The following IVD variants were observed in gnomAD, a reference collection of about 807,000 sequenced individuals.
IVD encodes the protein isovaleryl-CoA dehydrogenase.
A neutral mutation model predicts 51.3 loss-of-function variants in IVD; 31 were observed. The observed-to-expected ratio is 0.60, with a 90% CI of 0.45 to 0.81. The LOEUF is 0.81. Ranked by LOEUF, IVD falls within the 40% of genes least tolerant of loss-of-function variation. The pLI, the probability that IVD is intolerant of heterozygous loss-of-function variation, is 0.00. For synonymous variants in IVD, 205 were observed against 219.4 expected, an observed-to-expected ratio of 0.93 and a Z score of 0.58; for missense variants, 475 against 552.0, an observed-to-expected ratio of 0.86 and a Z score of 1.40.
In IVD at chr15:40,418,885, C is replaced by T; in HGVS notation, c.*622C>T. 1.6e-6 allele frequency: 1 copy of T among 625,068 alleles called. No individual in the cohort carries two copies. Among genetic ancestry groups the T allele is most frequent in the South Asian group, 2.5e-5 (1 of 39,958 alleles). The allele number at this position is 625,068 out of a possible 1,614,324, so 38.7% of individuals were successfully genotyped here. On this transcript the variant is annotated 3_prime_UTR_variant, in exon 12 of 12. Coordinates refer to ENST00000487418, the MANE Select transcript of IVD (RefSeq NM_002225.5). ...TGGTGGCTCATGCTTGTAATCCCAG[C>T]ACTTCAGGAGGCTGAGATGGGTGGA...
chr15:40,423,875 G>A (rs183690170), downstream of IVD, among the ~76,000 whole-genome samples: 1 of 152,322 alleles, frequency 6.6e-6, no homozygotes, highest in East Asian at 1.9e-4. Flanking sequence ...CCTGAAATCA[G>A]GTGGTGCAGA....
rs781577717 is a variant in IVD, at chr15:40,407,750, G to A, written c.234+25G>A. 1.3e-5 allele frequency: 21 copies of A among 1,600,868 alleles called. No homozygotes were observed. Among genetic ancestry groups the A allele is most frequent in the Admixed American group, 1.7e-5 (1 of 59,964 alleles). On this transcript the variant is annotated intron_variant, in intron 2 of 11. Coordinates refer to ENST00000487418, the MANE Select transcript of IVD (RefSeq NM_002225.5). ...AGTGAGTTGGGAGGTCCGGGCAGTC[G>A]GGGGCAGTCAGGGAGTGGGGCTGAG...
At chr15:40,430,157 C>T (rs1892889632) in intron 7 of IVD, among the ~76,000 whole-genome samples, 1 of 152,212 alleles carries the variant, frequency 6.6e-6, no homozygotes, top group African/African-American at 2.4e-5. Context: ...GGGTGCAGAG[C>T]CGCTGCGGCA....
chr15:40,406,430 C>A (rs1890425182), intron 1 of IVD: 1 of 935,530 alleles, frequency 1.1e-6, no homozygotes, highest in Admixed American at 2.4e-5. Flanking sequence ...TTTTAAAAAG[C>A]CACAGTGAGC....
At chr15:40,432,950 G>C (rs1043190838) in intron 7 of IVD, among the ~76,000 whole-genome samples, 3 of 152,210 alleles carry the variant, frequency 2.0e-5, no homozygotes, top group Non-Finnish European at 4.4e-5. Flanking sequence ...AGCAGGGCAG[G>C]CTTCAGGCAT....
chr15:40,422,231 A>T (rs1294374703), downstream of IVD, among the ~76,000 whole-genome samples: 5 of 114,530 alleles, frequency 4.4e-5, no homozygotes, highest in South Asian at 1.9e-3. Flanking sequence ...CAATAAGGAC[A>T]TGAAAGGGAA....
At chr15:40,409,106 C>A (rs1236271581) in intron 3 of IVD, among the ~76,000 whole-genome samples, 1 of 152,158 alleles carries the variant, frequency 6.6e-6, no homozygotes, top group African/African-American at 2.4e-5. Context: ...AATGTAAAAG[C>A]ATTAGGGGAA....
intron 6 of IVD, chr15:40,412,744 A>G: frequency 3.9e-6 from 2 of 509,000 alleles, no homozygotes; most frequent in Non-Finnish European, 7.2e-6. Context: ...AACTGAGCAT[A>G]TCATTGAGAA....
chr15:40,419,530 G>A lies in IVD; in HGVS notation c.*1267G>A, dbSNP rs1892081343. 2 of 212,634 alleles carry A rather than the reference G, an allele frequency of 9.4e-6. No homozygotes were observed. Among genetic ancestry groups the A allele is most frequent in the Non-Finnish European group, 1.9e-5 (2 of 102,886 alleles). The allele number at this position is 212,634 out of a possible 1,614,324, so 13.2% of individuals were successfully genotyped here. On this transcript the variant is annotated 3_prime_UTR_variant, in exon 12 of 12. Coordinates refer to ENST00000487418, the MANE Select transcript of IVD (RefSeq NM_002225.5). ...TGTCTCAAAAAAGGAAAGAAAAATA[G>A]GCTGGGCACAGTGACTCATGCCTGT...
Position 40,418,305 on chromosome 15 carries a change from T to C in IVD, c.*42T>C, listed in dbSNP as rs1891937483. ...CCCCTTTTCCTGCACCTAGTGGCCT[T>C]TCTTGGGAAGTAGAGATGTGGCGGC... On this transcript the variant is annotated 3_prime_UTR_variant, in exon 12 of 12. Transcript: ENST00000487418. The C allele has an allele frequency of 1.2e-6, 2 of 1,612,326 alleles. No individual in the cohort carries two copies. Among genetic ancestry groups the C allele is most frequent in the East Asian group, 4.5e-5 (2 of 44,834 alleles).
intron 8 of IVD, among the ~76,000 whole-genome samples, chr15:40,434,158 C>G (rs1893139193): frequency 6.6e-6 from 1 of 152,180 alleles, no homozygotes; most frequent in African/African-American, 2.4e-5. Context: ...TACTTAGTAC[C>G]AACCTACTGT....
chr15:40,423,696 A>C (rs894254694), downstream of IVD, among the ~76,000 whole-genome samples: 1 of 151,976 alleles, frequency 6.6e-6, no homozygotes, highest in Non-Finnish European at 1.5e-5. Context: ...TCTTGACCTC[A>C]TGATCTGCCC....
exon 8 of IVD, chr15:40,433,897 C>T (rs772435132): frequency 4.4e-6 from 2 of 456,648 alleles, no homozygotes; most frequent in African/African-American, 2.0e-5. Context: ...AACATCTGCT[C>T]CTGGGGCAAT....
rs917813274 is a variant in IVD, at chr15:40,421,001, C to G, written c.*2738C>G. The G allele has an allele frequency of 1.0e-6, 1 of 985,372 alleles. No individual in the cohort carries two copies. Among genetic ancestry groups the G allele is most frequent in the African/African-American group, 1.7e-5 (1 of 57,254 alleles). 61.0% of individuals were successfully genotyped at this position (985,372 alleles called of 1,614,324 possible). A position where few individuals can be genotyped will look rare whatever the true frequency, so the allele number is the denominator to read the frequency against. On this transcript the variant is annotated 3_prime_UTR_variant, in exon 12 of 12. Coordinates refer to ENST00000487418, the MANE Select transcript of IVD (RefSeq NM_002225.5). ...GCTGTTCCTAGCCTGAGGCTTGAGA[C>G]AGGTGGGGTTGGCTCCTCACCAACC...
intron 7 of IVD, among the ~76,000 whole-genome samples, chr15:40,430,809 A>G (rs1311337694): frequency 6.6e-6 from 1 of 152,234 alleles, no homozygotes; most frequent in African/African-American, 2.4e-5. Flanking sequence ...GATGTTCTTG[A>G]AAGACCATAT....
rs569765154 is a variant in IVD, at chr15:40,416,553, C to T, written c.1138+191C>T. ...TGGCCAACATGGTGAAACCGCATGC[C>T]GGGCATGATGGTGCATGCCTGTAAT... is the stretch of plus-strand genomic sequence containing the variant. On this transcript the variant is annotated intron_variant, in intron 11 of 11. Transcript: ENST00000487418. 3.3e-5 allele frequency among the ~76,000 whole-genome samples: 5 copies of T among 152,124 alleles called. No homozygotes were observed. In the South Asian group the frequency reaches 6.2e-4, roughly 19 times the overall value.
downstream of IVD, among the ~76,000 whole-genome samples, chr15:40,424,638 CTT>C (rs1238814868): frequency 3.9e-5 from 6 of 152,344 alleles, no homozygotes; most frequent in Admixed American, 6.5e-5. Flanking sequence ...ATTTGACTGT[CTT>C]TACATGATCA....
chr15:40,423,756 G>C (rs1280516049), downstream of IVD, among the ~76,000 whole-genome samples: 1 of 152,134 alleles, frequency 6.6e-6, no homozygotes, highest in Non-Finnish European at 1.5e-5. Context: ...CACCATGCCC[G>C]GCCCAAGGAT....
At position 40,418,203 on chromosome 15, in the gene IVD, T is replaced by C; in HGVS notation, c.1212T>C (p.Ala404=). 6.2e-7 allele frequency: 1 copy of C among 1,614,260 alleles called. No individual in the cohort carries two copies. Among genetic ancestry groups the C allele is most frequent in the Non-Finnish European group, 8.5e-7 (1 of 1,180,046 alleles). Residue 404 remains alanine, a synonymous_variant, in exon 12 of 12, where the codon GCT becomes GCC. Transcript: ENST00000487418. ...LRDAKLYEIG[A]GTSEVRRLVI... is the part of the protein sequence containing the mutation. ...ATGCCAAGCTGTATGAGATAGGGGC[T>C]GGGACCAGCGAGGTGAGGCGGCTGG...
Sources: gnomAD v4.1 joint callset for allele counts (sites outside exome capture counted in the v4.1 genomes callset) on GRCh38, gnomAD v4.1.1 for gene constraint, MANE v1.5 for transcripts, NCBI Gene and HGNC (gene_info 2026-07-23, HGNC 2026-07-21) for gene names.